Variants in TENM1 observed in about 807,000 individuals in gnomAD.
The protein encoded by TENM1 is teneurin-1.
In TENM1, 35 loss-of-function variants were observed where a neutral mutation model predicts 174.8. The ratio of observed to expected loss-of-function variants is 0.20; its 90% CI spans 0.15 to 0.27. The LOEUF is 0.27. TENM1 is among the 10% of genes least tolerant of loss of function. The pLI, the probability that TENM1 is intolerant of heterozygous loss-of-function variation, is 1.00. For missense variants in TENM1, 1,633 were observed against 2,130.1 expected (o/e 0.77, Z 4.59); for synonymous variants, 781 against 798.7 (o/e 0.98, Z 0.37).
At chrX:124,970,829 A>G in the TENM1 span, among the ~76,000 whole-genome samples, 1 of 111,043 alleles carries the variant, frequency 9.0e-6, no homozygotes, top group Middle Eastern at 4.6e-3. Flanking sequence ...ATAAAGACAC[A>G]TGCACACGTA....
At chrX:124,378,337 A>G (rs2060123451) in exon 32 of TENM1, 1 of 112,724 alleles carries the variant, frequency 8.9e-6, no homozygotes, top group Admixed American at 9.4e-5. Context: ...ATTTGTGATA[A>G]AATACATAAT....
the TENM1 span, among the ~76,000 whole-genome samples, chrX:125,028,931 T>C: frequency 8.9e-6 from 1 of 111,879 alleles, no homozygotes; most frequent in East Asian, 2.8e-4. Flanking sequence ...CATAACTTAG[T>C]GAAAGAATGA....
chrX:124,936,344 T>C, intron 1 of TENM1, among the ~76,000 whole-genome samples: 2 of 111,553 alleles, frequency 1.8e-5, no homozygotes, highest in South Asian at 7.6e-4. Flanking sequence ...GCTCAGTCCC[T>C]GGCTCTTCAC....
intron 3 of TENM1, among the ~76,000 whole-genome samples, chrX:124,833,721 T>C (rs1247258498): frequency 1.8e-5 from 2 of 111,512 alleles, no homozygotes; most frequent in Non-Finnish European, 3.8e-5. Flanking sequence ...CTTCAACTTA[T>C]CAGGGGCTTT....
chrX:124,903,035 G>A (rs949890906), intron 1 of TENM1, among the ~76,000 whole-genome samples: 1 of 111,549 alleles, frequency 9.0e-6, no homozygotes, highest in African/African-American at 3.3e-5. Flanking sequence ...GGGCACAGGA[G>A]TGAGAGATGG....
At chrX:124,752,979 CT>C (rs982279537) in intron 3 of TENM1, among the ~76,000 whole-genome samples, 1 of 110,957 alleles carries the variant, frequency 9.0e-6, no homozygotes, top group Non-Finnish European at 1.9e-5. Context: ...GATGCGGGCT[CT>C]TTTTTGGTTC....
intron 3 of TENM1, among the ~76,000 whole-genome samples, chrX:124,825,005 G>A (rs2056121549): frequency 1.8e-5 from 2 of 110,057 alleles, no homozygotes; most frequent in South Asian, 7.6e-4. Context: ...TTACACAAAG[G>A]TAACTTACAC....
chrX:124,915,323 G>C (rs1022959167), intron 1 of TENM1, among the ~76,000 whole-genome samples: 2 of 112,020 alleles, frequency 1.8e-5, no homozygotes, highest in African/African-American at 6.5e-5. Context: ...TTAGGAGTTT[G>C]AGACCAGCCT....
intron 1 of TENM1, among the ~76,000 whole-genome samples, chrX:124,918,318 T>A (rs538242207): frequency 1.2e-4 from 13 of 110,258 alleles, no homozygotes; most frequent in East Asian, 2.9e-4. Flanking sequence ...TAGCTGGGAC[T>A]ACAGGCGCGT....
At chrX:125,117,585 G>A in the TENM1 span, among the ~76,000 whole-genome samples, 1 of 110,814 alleles carries the variant, frequency 9.0e-6, no homozygotes, top group African/African-American at 3.3e-5. Flanking sequence ...TAGCATTAGG[G>A]GAAATACGTA....
intron 3 of TENM1, among the ~76,000 whole-genome samples, chrX:124,888,791 G>A (rs776862807): frequency 1.8e-5 from 2 of 111,872 alleles, no homozygotes; most frequent in Non-Finnish European, 3.8e-5. Flanking sequence ...CAGACACACT[G>A]TAAAGTGCTA....
chrX:124,955,473 G>T (rs1569488479), intron 1 of TENM1, among the ~76,000 whole-genome samples: 1 of 110,969 alleles, frequency 9.0e-6, no homozygotes, highest in Non-Finnish European at 1.9e-5. Flanking sequence ...TCCTCCTTTG[G>T]CTTATGTGAT....
the TENM1 span, among the ~76,000 whole-genome samples, chrX:125,155,138 G>C: frequency 4.0e-4 from 45 of 111,114 alleles, no homozygotes; most frequent in African/African-American, 1.4e-3. Context: ...ATAAATCCCT[G>C]AGCTAGACAC....
chrX:125,098,257 C>T, the TENM1 span, among the ~76,000 whole-genome samples: 1 of 111,468 alleles, frequency 9.0e-6, no homozygotes, highest in African/African-American at 3.3e-5. Flanking sequence ...GAGCAAGACT[C>T]CATCTCAAAA....
intron 3 of TENM1, among the ~76,000 whole-genome samples, chrX:124,765,443 G>A (rs1186109595): frequency 8.9e-6 from 1 of 112,162 alleles, no homozygotes; most frequent in Non-Finnish European, 1.9e-5. Context: ...TACACAGCCA[G>A]TACTTAGCAA....
intron 11 of TENM1, among the ~76,000 whole-genome samples, chrX:124,600,884 T>C (rs1320856024): frequency 1.8e-5 from 2 of 111,918 alleles, no homozygotes; most frequent in African/African-American, 6.5e-5. Flanking sequence ...ATAAGGGATG[T>C]TGCTGGGATA....
chrX:124,683,350 T>C (rs191840639), intron 5 of TENM1, among the ~76,000 whole-genome samples: 4 of 112,146 alleles, frequency 3.6e-5, no homozygotes, highest in Admixed American at 2.8e-4. Flanking sequence ...ACGTAATCCA[T>C]TTCTTCTTTT....
intron 3 of TENM1, among the ~76,000 whole-genome samples, chrX:124,868,953 G>A (rs1435205817): frequency 2.7e-5 from 3 of 109,527 alleles, no homozygotes; most frequent in African/African-American, 6.7e-5. Context: ...GGCTGGGCGT[G>A]GTGGCTCACG....
chrX:124,452,504 A>C lies in TENM1; in HGVS notation c.4104+833T>G, dbSNP rs760031849. ...TAGAACTAGAAATACGATTTGACCCAGCCATCCCATTACTGGGTATATACC... is the reference window on the plus strand; with the variant it reads ...TAGAACTAGAAATACGATTTGACCCCGCCATCCCATTACTGGGTATATACC... On this transcript the variant is annotated intron_variant, in intron 23 of 31. Coordinates refer to ENST00000422452, the Ensembl canonical transcript of TENM1. 2.7e-5 allele frequency among the ~76,000 whole-genome samples: 3 copies of C among 111,755 alleles called. No individual in the cohort carries two copies. The East Asian group carries it at 8.5e-4, about 32-fold the overall frequency.
Sources: gnomAD v4.1 joint callset for allele counts (sites outside exome capture counted in the v4.1 genomes callset) on GRCh38, gnomAD v4.1.1 for gene constraint, MANE v1.5 for transcripts, NCBI Gene and HGNC (gene_info 2026-07-23, HGNC 2026-07-21) for gene names.